The following AGBL4 variants were observed in gnomAD, a reference collection of about 807,000 sequenced individuals.
The protein encoded by AGBL4 is cytosolic carboxypeptidase 6.
In AGBL4, 58 loss-of-function variants were observed where a neutral mutation model predicts 66.4. The observed-to-expected ratio is 0.87, with a 90% CI of 0.71 to 1.09. The LOEUF is 1.09. AGBL4 is among the 50% of genes least tolerant of loss of function. The probability of loss-of-function intolerance (pLI) is 0.00; values close to 1 mark genes in which losing one functional copy is unlikely to be tolerated. For synonymous variants in AGBL4, 234 were observed against 222.9 expected (o/e 1.05, Z -0.44); for missense variants, 579 against 631.0 (o/e 0.92, Z 0.88).
chr1:49,155,862 T>C (rs1033466645), intron 4 of AGBL4, among the ~76,000 whole-genome samples: 2 of 152,176 alleles, frequency 1.3e-5, no homozygotes, highest in Admixed American at 1.3e-4. Flanking sequence ...CAGTAAATGG[T>C]AGTCTACCAG....
At chr1:49,693,523 T>C (rs1482796720) in intron 3 of AGBL4, among the ~76,000 whole-genome samples, 2 of 152,134 alleles carry the variant, frequency 1.3e-5, no homozygotes, top group African/African-American at 4.8e-5. Context: ...TGCTCCACGA[T>C]AGAAAATAAA....
At chr1:49,890,153 T>C (rs1302811814) in intron 1 of AGBL4, among the ~76,000 whole-genome samples, 4 of 152,202 alleles carry the variant, frequency 2.6e-5, no homozygotes, top group Non-Finnish European at 4.4e-5. Context: ...TCCTAGGGAA[T>C]AGTTCTTAAT....
At chr1:49,221,628 T>A (rs1570116027) in intron 4 of AGBL4, among the ~76,000 whole-genome samples, 1 of 152,148 alleles carries the variant, frequency 6.6e-6, no homozygotes, top group Non-Finnish European at 1.5e-5. Flanking sequence ...TTATTGATGA[T>A]CCTCAGAGAA....
chr1:48,895,849 C>T (rs957943014), intron 5 of AGBL4, among the ~76,000 whole-genome samples: 1 of 152,162 alleles, frequency 6.6e-6, no homozygotes, highest in Non-Finnish European at 1.5e-5. Flanking sequence ...GTTACATGGG[C>T]AGTGGCAGTG....
At chr1:48,702,876 A>G (rs1195066381) in intron 6 of AGBL4, among the ~76,000 whole-genome samples, 10 of 152,190 alleles carry the variant, frequency 6.6e-5, no homozygotes, top group Admixed American at 6.5e-4. Flanking sequence ...AGGCAAAATC[A>G]GCCCACAAAC....
intron 5 of AGBL4, among the ~76,000 whole-genome samples, chr1:48,879,631 A>G (rs758042831): frequency 1.3e-5 from 2 of 152,184 alleles, no homozygotes; most frequent in Non-Finnish European, 2.9e-5. Flanking sequence ...TTAAGATATA[A>G]AAAATTTTAG....
chr1:48,890,107 A>G (rs1352615821), intron 5 of AGBL4, among the ~76,000 whole-genome samples: 1 of 151,992 alleles, frequency 6.6e-6, no homozygotes, highest in Non-Finnish European at 1.5e-5. Flanking sequence ...TAGAAGCAGA[A>G]TCACCCACAG....
intron 3 of AGBL4, among the ~76,000 whole-genome samples, chr1:49,361,786 T>A (rs1287418539): frequency 1.3e-5 from 2 of 151,940 alleles, no homozygotes; most frequent in Non-Finnish European, 1.5e-5. Flanking sequence ...CACGCACGCA[T>A]TACTTAATCT....
intron 2 of AGBL4, among the ~76,000 whole-genome samples, chr1:49,734,297 G>T (rs1649690985): frequency 1.3e-5 from 2 of 151,560 alleles, no homozygotes; most frequent in Non-Finnish European, 2.9e-5. Flanking sequence ...GAGAGAGAGA[G>T]AGACAGAGAG....
chr1:48,645,611 C>T (rs1333560356), intron 8 of AGBL4, among the ~76,000 whole-genome samples: 1 of 152,132 alleles, frequency 6.6e-6, no homozygotes, highest in Non-Finnish European at 1.5e-5. Flanking sequence ...GTTCTATGAA[C>T]TTGAAGGGGG....
chr1:49,050,036 C>T (rs1417659382), intron 4 of AGBL4, among the ~76,000 whole-genome samples: 2 of 151,936 alleles, frequency 1.3e-5, no homozygotes, highest in East Asian at 1.9e-4. Flanking sequence ...TCACGACTCC[C>T]CAGAAGACCC....
chr1:49,182,582 G>C (rs1409950325), intron 4 of AGBL4, among the ~76,000 whole-genome samples: 2 of 152,110 alleles, frequency 1.3e-5, no homozygotes, highest in African/African-American at 4.8e-5. Flanking sequence ...TGAAATAGTG[G>C]ATGCAAAAGT....
intron 3 of AGBL4, chr1:49,266,110 C>T (rs1419185206): frequency 6.6e-6 from 1 of 152,042 alleles, no homozygotes; most frequent in East Asian, 1.9e-4. Context: ...GCACCTGTGT[C>T]TTGTTAACTG....
At chr1:49,516,869 C>T (rs1299288872) in intron 3 of AGBL4, among the ~76,000 whole-genome samples, 1 of 152,050 alleles carries the variant, frequency 6.6e-6, no homozygotes, top group Non-Finnish European at 1.5e-5. Context: ...GTCAAGTAGA[C>T]AGACATTCCT....
At chr1:50,019,663 T>C (rs1662293297) in intron 1 of AGBL4, among the ~76,000 whole-genome samples, 1 of 152,074 alleles carries the variant, frequency 6.6e-6, no homozygotes, top group Admixed American at 6.5e-5. Flanking sequence ...ACAGACTGCA[T>C]CATTTAAAAA....
At chr1:49,715,354 C>T (rs1463456970) in intron 2 of AGBL4, among the ~76,000 whole-genome samples, 1 of 152,126 alleles carries the variant, frequency 6.6e-6, no homozygotes, top group African/African-American at 2.4e-5. Flanking sequence ...TTTTCTTTAT[C>T]CAGTCTATCA....
downstream of AGBL4, among the ~76,000 whole-genome samples, chr1:48,531,632 C>T (rs1377430142): frequency 6.6e-6 from 1 of 152,198 alleles, no homozygotes; most frequent in Non-Finnish European, 1.5e-5. Flanking sequence ...TATTACCTCT[C>T]CAAATCCAGG....
chr1:48,634,649 G>C (rs760418748), intron 8 of AGBL4, 45 bp from the exon 9 acceptor site: 2 of 1,405,908 alleles, frequency 1.4e-6, no homozygotes, highest in Admixed American at 2.1e-5. Context: ...AGGATAAGCT[G>C]AGCTTCTCAC....
intron 3 of AGBL4, among the ~76,000 whole-genome samples, chr1:49,603,736 C>A (rs1645010351): frequency 6.6e-6 from 1 of 151,852 alleles, no homozygotes; most frequent in African/African-American, 2.4e-5. Context: ...CATTCTGAGT[C>A]TCCAGTGTCC....
Sources: allele counts gnomAD v4.1 joint callset (sites outside exome capture counted in the v4.1 genomes callset), GRCh38; gene constraint gnomAD v4.1.1; transcripts MANE v1.5; gene names NCBI Gene and HGNC (gene_info 2026-07-23, HGNC 2026-07-21).